MAGI2: variants seen among roughly 807,000 people sequenced by gnomAD.
The protein encoded by MAGI2 is membrane-associated guanylate kinase, WW and PDZ domain-containing protein 2.
MAGI2 carries 35 observed loss-of-function variants against 133.3 expected under a neutral mutation model. The ratio of observed to expected loss-of-function variants is 0.26; its 90% CI spans 0.20 to 0.35. The LOEUF is 0.35. Ranked by LOEUF, MAGI2 falls within the 10% of genes least tolerant of loss-of-function variation. The pLI is 1.00. For missense variants in MAGI2, 1,636 were observed against 1,863.4 expected, an observed-to-expected ratio of 0.88 and a Z score of 2.25; for synonymous variants, 729 against 710.6, an observed-to-expected ratio of 1.03 and a Z score of -0.41.
chr7:79,015,320 A>C (rs1266502623), intron 1 of MAGI2, among the ~76,000 whole-genome samples: 1 of 136,938 alleles, frequency 7.3e-6, no homozygotes, highest in East Asian at 2.1e-4. Flanking sequence ...AAAAATTCTT[A>C]AAAGCCAGGT....
At chr7:78,553,110 A>C (rs1216816656) in intron 3 of MAGI2, among the ~76,000 whole-genome samples, 3 of 144,430 alleles carry the variant, frequency 2.1e-5, no homozygotes, top group East Asian at 2.0e-4. Flanking sequence ...AAAAAAAAAC[A>C]AACACCAAAG....
chr7:79,418,365 T>G (rs1011135772), intron 1 of MAGI2, among the ~76,000 whole-genome samples: 4 of 152,040 alleles, frequency 2.6e-5, no homozygotes, highest in Non-Finnish European at 2.9e-5. Flanking sequence ...ACTAATAATG[T>G]TGGTAGCTCA....
At chr7:79,186,416 T>G (rs760525962) in intron 1 of MAGI2, among the ~76,000 whole-genome samples, 1 of 149,230 alleles carries the variant, frequency 6.7e-6, no homozygotes, top group South Asian at 2.1e-4. Context: ...CATCTCAATT[T>G]TGCTAACAAT....
chr7:78,804,505 T>C (rs1368559042), intron 2 of MAGI2, among the ~76,000 whole-genome samples: 1 of 150,824 alleles, frequency 6.6e-6, no homozygotes, highest in Non-Finnish European at 1.5e-5. Context: ...TCCCAGCACT[T>C]TGGGAGGCCG....
At chr7:78,825,305 C>A (rs1584041666) in intron 2 of MAGI2, among the ~76,000 whole-genome samples, 1 of 152,118 alleles carries the variant, frequency 6.6e-6, no homozygotes, top group South Asian at 2.1e-4. Context: ...AAAAACATTC[C>A]TCCCTTTGGG....
At chr7:78,327,472 T>C (rs956005954) in intron 9 of MAGI2, among the ~76,000 whole-genome samples, 2 of 152,174 alleles carry the variant, frequency 1.3e-5, no homozygotes, top group African/African-American at 4.8e-5. Context: ...GCCTCCCCTT[T>C]CTTTTTCACG....
intron 1 of MAGI2, among the ~76,000 whole-genome samples, chr7:79,321,741 A>G (rs2129561670): frequency 6.6e-6 from 1 of 152,354 alleles, no homozygotes; most frequent in African/African-American, 2.4e-5. Flanking sequence ...GAAAACTCAC[A>G]AGAAAAATAC....
chr7:78,588,438 G>A (rs1803645989), intron 3 of MAGI2, among the ~76,000 whole-genome samples: 1 of 152,202 alleles, frequency 6.6e-6, no homozygotes, highest in African/African-American at 2.4e-5. Context: ...GGGAGGGGTA[G>A]ATGGCTGTTC....
intron 2 of MAGI2, among the ~76,000 whole-genome samples, chr7:78,669,606 G>A (rs1305028955): frequency 1.3e-5 from 2 of 152,074 alleles, no homozygotes; most frequent in Non-Finnish European, 2.9e-5. Flanking sequence ...AAGCCGGGCA[G>A]AGACACAACA....
chr7:79,390,954 C>G (rs976656995), intron 1 of MAGI2, among the ~76,000 whole-genome samples: 4 of 152,164 alleles, frequency 2.6e-5, no homozygotes, highest in African/African-American at 4.8e-5. Flanking sequence ...CCAGAATAAA[C>G]AGCCCAATTC....
At chr7:78,384,626 C>G (rs1343576625) in intron 6 of MAGI2, among the ~76,000 whole-genome samples, 1 of 152,034 alleles carries the variant, frequency 6.6e-6, no homozygotes, top group Non-Finnish European at 1.5e-5. Flanking sequence ...AGTGAAGCAG[C>G]CTTTTCAAAT....
chr7:78,660,020 G>C (rs915242582), intron 2 of MAGI2, among the ~76,000 whole-genome samples: 6 of 151,442 alleles, frequency 4.0e-5, no homozygotes, highest in Non-Finnish European at 5.9e-5. Flanking sequence ...ACTATTGCAA[G>C]GACAAAAAAC....
chr7:78,251,426 A>G, intron 10 of MAGI2: 1 of 152,222 alleles, frequency 6.6e-6, no homozygotes, highest in Non-Finnish European at 1.5e-5. Context: ...GGAAAGGAAG[A>G]AGTAAAACTG....
At chr7:78,329,023 G>A (rs1455392600) in intron 9 of MAGI2, among the ~76,000 whole-genome samples, 1 of 151,958 alleles carries the variant, frequency 6.6e-6, no homozygotes. Context: ...TTTCCCTTGT[G>A]ACAATAGTTC....
At chr7:78,692,606 T>G (rs1314357345) in intron 2 of MAGI2, among the ~76,000 whole-genome samples, 1 of 152,218 alleles carries the variant, frequency 6.6e-6, no homozygotes, top group Non-Finnish European at 1.5e-5. Context: ...ATTTTCCATA[T>G]TTACATATAA....
At chr7:78,887,615 G>A (rs972958971) in intron 2 of MAGI2, among the ~76,000 whole-genome samples, 1 of 152,122 alleles carries the variant, frequency 6.6e-6, no homozygotes, top group Non-Finnish European at 1.5e-5. Flanking sequence ...ATACTGTGTG[G>A]GTCTTTGTTC....
intron 1 of MAGI2, among the ~76,000 whole-genome samples, chr7:79,184,187 T>C (rs1826864564): frequency 6.6e-6 from 1 of 151,844 alleles, no homozygotes. Context: ...TAATGGTATG[T>C]TAATTAGCTT....
intron 6 of MAGI2, among the ~76,000 whole-genome samples, chr7:78,372,873 A>G (rs925551051): frequency 2.0e-5 from 3 of 152,196 alleles, no homozygotes; most frequent in Non-Finnish European, 4.4e-5. Flanking sequence ...TTCATTACAG[A>G]AAACAGAGAC....
At chr7:78,569,665 C>T (rs766479788) in intron 3 of MAGI2, among the ~76,000 whole-genome samples, 32 of 152,086 alleles carry the variant, frequency 2.1e-4, no homozygotes, top group Non-Finnish European at 4.4e-4. Flanking sequence ...CTTATTCAAA[C>T]GATTATTTTT....
Sources: allele counts gnomAD v4.1 joint callset (sites outside exome capture counted in the v4.1 genomes callset), GRCh38; gene constraint gnomAD v4.1.1; transcripts MANE v1.5; gene names NCBI Gene and HGNC (gene_info 2026-07-23, HGNC 2026-07-21).